The following PLCB1 variants were observed in gnomAD, a reference collection of about 807,000 sequenced individuals.
The protein encoded by PLCB1 is 1-phosphatidylinositol 4,5-bisphosphate phosphodiesterase beta-1.
A neutral mutation model predicts 161.8 loss-of-function variants in PLCB1; 46 were observed. That is an observed-to-expected ratio of 0.28 (90% CI 0.22 to 0.36). PLCB1 has a LOEUF of 0.36. PLCB1 is among the 10% of genes least tolerant of loss of function. The pLI is 1.00. For missense variants in PLCB1, 1,016 were observed against 1,472.5 expected (o/e 0.69, Z 5.07); for synonymous variants, 517 against 503.7 (o/e 1.03, Z -0.35).
At chr20:8,364,887 T>G (rs549236728) in intron 2 of PLCB1, among the ~76,000 whole-genome samples, 1 of 152,320 alleles carries the variant, frequency 6.6e-6, no homozygotes, top group East Asian at 1.9e-4. Flanking sequence ...TCTCTATTAC[T>G]TAGGTTTTAA....
chr20:8,787,807 A>G (rs1983561163), intron 27 of PLCB1, among the ~76,000 whole-genome samples: 1 of 152,264 alleles, frequency 6.6e-6, no homozygotes, highest in South Asian at 2.1e-4. Context: ...TTGCGTTCAC[A>G]GTGATGTAGT....
At chr20:8,624,484 A>T (rs1745153581) in intron 3 of PLCB1, among the ~76,000 whole-genome samples, 1 of 152,232 alleles carries the variant, frequency 6.6e-6, no homozygotes, top group Non-Finnish European at 1.5e-5. Context: ...CTTTTTAAAA[A>T]GTGGTATTAA....
At chr20:8,526,687 A>G (rs1984597601) in intron 3 of PLCB1, among the ~76,000 whole-genome samples, 2 of 152,096 alleles carry the variant, frequency 1.3e-5, no homozygotes, top group Admixed American at 6.6e-5. Context: ...TCTGTTCATT[A>G]CATTCTATAC....
chr20:8,749,775 C>T (rs1381834524), intron 23 of PLCB1, among the ~76,000 whole-genome samples: 1 of 152,196 alleles, frequency 6.6e-6, no homozygotes, highest in South Asian at 2.1e-4. Context: ...AAACTTGTTA[C>T]AGACAGCAGA....
chr20:8,576,144 T>C (rs775436645), intron 3 of PLCB1, among the ~76,000 whole-genome samples: 1 of 152,202 alleles, frequency 6.6e-6, no homozygotes, highest in African/African-American at 2.4e-5. Flanking sequence ...AAATTAATAA[T>C]TGAAAAAAAC....
At chr20:8,334,538 A>C (rs961863353) in intron 2 of PLCB1, among the ~76,000 whole-genome samples, 3 of 152,252 alleles carry the variant, frequency 2.0e-5, no homozygotes, top group African/African-American at 7.2e-5. Context: ...ACTGAGTGCC[A>C]TAATGTACTG....
rs913703779 is a variant in PLCB1 at position 8,159,028 on chromosome 20, T to G, written c.177+8657T>G. ...TTCTAGAGTCTGGAGGATGGTGGCCTTCTTCTCACAGCTCCACTAGGCAGT... is the reference window on the plus strand; with the variant it reads ...TTCTAGAGTCTGGAGGATGGTGGCCGTCTTCTCACAGCTCCACTAGGCAGT... On this transcript the variant is annotated intron_variant, in intron 2 of 31. Transcript: ENST00000338037. Among the ~76,000 whole-genome samples, 54 of 152,260 alleles carry G rather than the reference T, an allele frequency of 3.5e-4. 1 individual carries two copies. The highest frequency in any genetic ancestry group is 3.4e-3 in the Middle Eastern group (1 of 294).
chr20:8,589,334 A>C (rs1018934717), intron 3 of PLCB1, among the ~76,000 whole-genome samples: 1 of 152,230 alleles, frequency 6.6e-6, no homozygotes, highest in African/African-American at 2.4e-5. Context: ...AGAATTAGAC[A>C]GTCCTTGCCT....
chr20:8,297,748 A>T (rs1195605487), intron 2 of PLCB1, among the ~76,000 whole-genome samples: 1 of 152,096 alleles, frequency 6.6e-6, no homozygotes, highest in East Asian at 1.9e-4. Context: ...TTTTTCAGGA[A>T]GCTCTGGCCA....
intron 2 of PLCB1, among the ~76,000 whole-genome samples, chr20:8,197,281 G>A (rs190165149): frequency 3.9e-4 from 59 of 152,276 alleles, no homozygotes; most frequent in Non-Finnish European, 6.9e-4. Flanking sequence ...CCCACCAACA[G>A]TGTAAAAGTG....
chr20:8,535,202 CAAAAAAAAAAAAAA>C (rs11323420), intron 3 of PLCB1, among the ~76,000 whole-genome samples: 2 of 52,796 alleles, frequency 3.8e-5, no homozygotes, highest in Non-Finnish European at 7.0e-5. Flanking sequence ...AGTTTATGGG[CAAAAAAAAAAAAAA>C]AAAAAAAAAA....
At chr20:8,538,408 G>A (rs1294869686) in intron 3 of PLCB1, among the ~76,000 whole-genome samples, 1 of 152,104 alleles carries the variant, frequency 6.6e-6, no homozygotes, top group Non-Finnish European at 1.5e-5. Flanking sequence ...GTGCAGTGTT[G>A]CAACCATGGC....
intron 3 of PLCB1, among the ~76,000 whole-genome samples, chr20:8,587,483 C>T (rs16994962): frequency 0.018 from 2,733 of 152,244 alleles, 71 homozygotes; most frequent in African/African-American, 0.062. Context: ...GACTTCATGT[C>T]ATTCCAAAGA....
chr20:8,865,939 T>C (rs1987414540), intron 31 of PLCB1, among the ~76,000 whole-genome samples: 1 of 152,184 alleles, frequency 6.6e-6, no homozygotes, highest in African/African-American at 2.4e-5. Flanking sequence ...ACCTGCTAAA[T>C]GTAGAATTAT....
At chr20:8,391,783 G>GTATATA (rs1987596705) in intron 3 of PLCB1, among the ~76,000 whole-genome samples, 2 of 83,302 alleles carry the variant, frequency 2.4e-5, no homozygotes, top group Admixed American at 1.5e-4. Context: ...ATATATGTGT[G>GTATATA]TGTATATATA....
At chr20:8,319,817 C>T (rs1421586572) in intron 2 of PLCB1, among the ~76,000 whole-genome samples, 1 of 147,784 alleles carries the variant, frequency 6.8e-6, no homozygotes, top group Non-Finnish European at 1.5e-5. Context: ...ATGTCACTAT[C>T]CAACACTGGG....
At position 8,707,008 on chromosome 20, in the gene PLCB1, A is replaced by G. The variant is rs573970325; in HGVS notation, c.1168-1662A>G. ...AAGTCGGTTTGAATCCAAAGCCTATACTCAAATAAATCAAATATAGCATTT... is the reference window on the plus strand; with the variant it reads ...AAGTCGGTTTGAATCCAAAGCCTATGCTCAAATAAATCAAATATAGCATTT... On this transcript the variant is annotated intron_variant, in intron 11 of 31. Transcript: ENST00000338037. Among the ~76,000 whole-genome samples, 74 of 152,324 alleles carry G rather than the reference A, an allele frequency of 4.9e-4. 2 individuals are homozygous for G. Among genetic ancestry groups the G allele is most frequent in the African/African-American group, 1.4e-3 (57 of 41,568 alleles).
intron 3 of PLCB1, among the ~76,000 whole-genome samples, chr20:8,458,994 G>A (rs1981450695): frequency 6.6e-6 from 1 of 152,194 alleles, no homozygotes; most frequent in African/African-American, 2.4e-5. Flanking sequence ...CTTTTACATA[G>A]AGGTGCAGGG....
chr20:8,211,451 G>T (rs1978818517), intron 2 of PLCB1, among the ~76,000 whole-genome samples: 1 of 152,062 alleles, frequency 6.6e-6, no homozygotes, highest in Non-Finnish European at 1.5e-5. Flanking sequence ...CATTTACATG[G>T]AAGTGTTTGT....
Sources: allele counts gnomAD v4.1 joint callset (sites outside exome capture counted in the v4.1 genomes callset), GRCh38; gene constraint gnomAD v4.1.1; transcripts MANE v1.5; gene names NCBI Gene and HGNC (gene_info 2026-07-23, HGNC 2026-07-21).